Variants in PLCB4 observed in about 807,000 individuals in gnomAD.
PLCB4 encodes the protein 1-phosphatidylinositol 4,5-bisphosphate phosphodiesterase beta-4.
A neutral mutation model predicts 178.8 loss-of-function variants in PLCB4; 77 were observed. The ratio of observed to expected loss-of-function variants is 0.43; its 90% CI spans 0.36 to 0.52. The LOEUF is 0.52. Ranked by LOEUF, PLCB4 falls within the 20% of genes least tolerant of loss-of-function variation. PLCB4 has a pLI of 0.00. For synonymous variants in PLCB4, 496 were observed against 490.8 expected, an observed-to-expected ratio of 1.01 and a Z score of -0.14; for missense variants, 1,024 against 1,453.4, an observed-to-expected ratio of 0.70 and a Z score of 4.80.
chr20:9,117,341 G>A (rs536617654), intron 2 of PLCB4, among the ~76,000 whole-genome samples: 21 of 152,276 alleles, frequency 1.4e-4, no homozygotes, highest in Admixed American at 2.6e-4. Context: ...CTCAGGATAT[G>A]TGTTGCCAAA....
At chr20:9,275,007 T>C (rs745761941) in intron 3 of PLCB4, among the ~76,000 whole-genome samples, 3 of 152,074 alleles carry the variant, frequency 2.0e-5, no homozygotes, top group Admixed American at 1.3e-4. Flanking sequence ...AGAGACTCTT[T>C]AGAATTTTAC....
intron 2 of PLCB4, among the ~76,000 whole-genome samples, chr20:9,124,812 A>G (rs1156337791): frequency 1.3e-5 from 2 of 152,190 alleles, no homozygotes; most frequent in Non-Finnish European, 2.9e-5. Context: ...ATTTGCATGT[A>G]TCATCTTTTT....
chr20:9,300,519 G>A (rs1046660687), intron 3 of PLCB4, among the ~76,000 whole-genome samples: 1 of 152,130 alleles, frequency 6.6e-6, no homozygotes, highest in Non-Finnish European at 1.5e-5. Flanking sequence ...TTTGGCTTCG[G>A]GGGAGCTGCA....
At position 9,084,845 on chromosome 20, in the gene PLCB4, G is replaced by A. The variant is rs757512619; in HGVS notation, c.-134-11442G>A. Among the ~76,000 whole-genome samples, 63 of 152,020 alleles carry A rather than the reference G, an allele frequency of 4.1e-4. 1 individual carries two copies. Among genetic ancestry groups the A allele is most frequent in the Non-Finnish European group, 8.4e-4 (57 of 68,002 alleles). On this transcript the variant is annotated intron_variant, in intron 1 of 39. Coordinates refer to ENST00000378473, the MANE Select transcript of PLCB4 (RefSeq NM_001377142.1). ...AGAATATATTTTCACAAGGTCAGGA[G>A]ATTGAGACCATCCTGGCTAACACAG...
At chr20:9,395,194 A>C (rs556562793) in intron 18 of PLCB4, among the ~76,000 whole-genome samples, 2 of 152,286 alleles carry the variant, frequency 1.3e-5, no homozygotes, top group Non-Finnish European at 2.9e-5. Context: ...TCTCCAAATT[A>C]TGGGCTTTTG....
intron 2 of PLCB4, among the ~76,000 whole-genome samples, chr20:9,164,199 G>A (rs1299226333): frequency 6.6e-6 from 1 of 152,188 alleles, no homozygotes; most frequent in Non-Finnish European, 1.5e-5. Context: ...AACAGTGACT[G>A]TTTCACTGCC....
chr20:9,338,929 A>C lies in PLCB4; in HGVS notation c.261A>C (p.Gly87=). Residue 87 remains glycine, a synonymous_variant, in exon 7 of 40, where the codon GGA becomes GGC. Transcript: ENST00000378473. ...PKILAALEAV[G]KSENDLEGRI... ...TCTTGGCTGCTCTTGAAGCTGTTGG[A>C]AAATCAGAAAATGATCTGGAAGGGC... The C allele has an allele frequency of 6.2e-7, 1 of 1,613,490 alleles. No individual in the cohort carries two copies. Among genetic ancestry groups the C allele is most frequent in the Non-Finnish European group, 8.5e-7 (1 of 1,179,648 alleles).
Position 9,302,245 on chromosome 20 carries a change from G to A in PLCB4, c.-15-5555G>A, listed in dbSNP as rs1434589871. On this transcript the variant is annotated intron_variant, in intron 3 of 39. Transcript: ENST00000378473. ...ATTGCAATAAGAATGTAGTTATAGG[G>A]TGGCCAGTTCCTCCCCTCTTTTAAA... Among the ~76,000 whole-genome samples the A allele has an allele frequency of 4.0e-5, 6 of 151,892 alleles. No individual in the cohort carries two copies. In the South Asian group the frequency reaches 1.0e-3, roughly 26 times the overall value.
chr20:9,242,090 G>A (rs1024361172), intron 3 of PLCB4, among the ~76,000 whole-genome samples: 40 of 152,190 alleles, frequency 2.6e-4, no homozygotes, highest in African/African-American at 8.9e-4. Flanking sequence ...GCAGGTGCAG[G>A]TGCTGTTTTC....
intron 5 of PLCB4, 62 bp from the exon 6 acceptor site, chr20:9,337,946 T>G: frequency 1.5e-6 from 2 of 1,327,972 alleles, no homozygotes; most frequent in South Asian, 2.4e-5. Context: ...CCAAGCAGTT[T>G]GCCTGTATCA....
Position 9,208,941 on chromosome 20 carries a change from A to T in PLCB4, c.-78-8449A>T, listed in dbSNP as rs530815887. ...ATGAAAGAGCAGTTTAAATTGGTTA[A>T]CACCATGTACAAAATATAACCTAAT... is the stretch of plus-strand genomic sequence containing the variant. On this transcript the variant is annotated intron_variant, in intron 2 of 39. Coordinates refer to ENST00000378473, the MANE Select transcript of PLCB4 (RefSeq NM_001377142.1). Among the ~76,000 whole-genome samples, 4 of 152,344 alleles carry T rather than the reference A, an allele frequency of 2.6e-5. No homozygotes were observed. The South Asian group carries it at 8.3e-4, about 32-fold the overall frequency.
intron 3 of PLCB4, among the ~76,000 whole-genome samples, chr20:9,283,706 A>G (rs1017197354): frequency 6.6e-6 from 1 of 152,054 alleles, no homozygotes; most frequent in East Asian, 1.9e-4. Flanking sequence ...TGAGTTTGTT[A>G]GGATAGAGTC....
intron 3 of PLCB4, among the ~76,000 whole-genome samples, chr20:9,307,155 C>T (rs1327922367): frequency 4.6e-5 from 7 of 152,136 alleles, no homozygotes; most frequent in Admixed American, 2.6e-4. Context: ...GGCCCCACCT[C>T]AGTGGGCAGG....
chr20:9,141,677 C>A (rs1197756413), intron 2 of PLCB4, among the ~76,000 whole-genome samples: 2 of 152,060 alleles, frequency 1.3e-5, no homozygotes, highest in Non-Finnish European at 2.9e-5. Context: ...GGTATATAAT[C>A]TTGAAATTTA....
chr20:9,407,777 T>A (rs2039556018), intron 21 of PLCB4, 140 bp from the exon 22 acceptor site: 1 of 609,310 alleles, frequency 1.6e-6, no homozygotes, highest in Non-Finnish European at 2.7e-6. Flanking sequence ...TAAAGTATCC[T>A]TTAGCATAAT....
At chr20:9,196,029 T>C (rs1601066556) in intron 2 of PLCB4, among the ~76,000 whole-genome samples, 1 of 152,188 alleles carries the variant, frequency 6.6e-6, no homozygotes, top group Non-Finnish European at 1.5e-5. Context: ...TGCTTAGGAG[T>C]GCAAAAAGCA....
At chr20:9,253,654 T>C (rs1263899345) in intron 3 of PLCB4, among the ~76,000 whole-genome samples, 2 of 152,160 alleles carry the variant, frequency 1.3e-5, no homozygotes, top group African/African-American at 4.8e-5. Flanking sequence ...GATGATAAGC[T>C]CAAATGAGGT....
intron 36 of PLCB4, among the ~76,000 whole-genome samples, chr20:9,469,323 G>A (rs2044021569): frequency 2.6e-5 from 4 of 152,132 alleles, no homozygotes; most frequent in Non-Finnish European, 4.4e-5. Context: ...AGGTTCCACT[G>A]GGTCATTCTG....
chr20:9,423,711 A>G (rs758898412), intron 27 of PLCB4, 37 bp from the exon 28 acceptor site: 21 of 1,545,984 alleles, frequency 1.4e-5, no homozygotes, highest in South Asian at 2.3e-5. Flanking sequence ...TGGGCGCTGC[A>G]TTGGAAAAAT....
Sources: gnomAD v4.1 joint callset for allele counts (sites outside exome capture counted in the v4.1 genomes callset) on GRCh38, gnomAD v4.1.1 for gene constraint, MANE v1.5 for transcripts, NCBI Gene and HGNC (gene_info 2026-07-23, HGNC 2026-07-21) for gene names.